The following CNKSR2 variants were observed in gnomAD, a reference collection of about 807,000 sequenced individuals.
The protein encoded by CNKSR2 is connector enhancer of kinase suppressor of Ras 2.
In CNKSR2, 14 loss-of-function variants were observed where a neutral mutation model predicts 84.4. The observed-to-expected ratio is 0.17, with a 90% CI of 0.11 to 0.26. CNKSR2 has a LOEUF of 0.26. Ranked by LOEUF, CNKSR2 falls within the 10% of genes least tolerant of loss-of-function variation. CNKSR2 has a pLI of 1.00. For synonymous variants in CNKSR2, 275 were observed against 277.9 expected, an observed-to-expected ratio of 0.99 and a Z score of 0.10; for missense variants, 485 against 771.2, an observed-to-expected ratio of 0.63 and a Z score of 4.40.
At chrX:21,648,709 T>G (rs1361109365) in intron 20 of CNKSR2, 122 bp from the exon 21 acceptor site, 1 of 552,649 alleles carries the variant, frequency 1.8e-6, no homozygotes, top group East Asian at 3.9e-5. Flanking sequence ...TCAGATAGTT[T>G]TGATATTTTA....
intron 15 of CNKSR2, chrX:21,591,962 T>C (rs1272273695): frequency 8.9e-6 from 1 of 112,070 alleles, no homozygotes; most frequent in African/African-American, 3.2e-5. Context: ...AAAATGTACA[T>C]GGCTTAATGT....
chrX:21,614,873 C>A (rs2092569360), intron 20 of CNKSR2, among the ~76,000 whole-genome samples: 1 of 111,549 alleles, frequency 9.0e-6, no homozygotes, highest in East Asian at 2.8e-4. Context: ...CTCCAAGCAT[C>A]ATTTCTCATG....
chrX:21,557,175 T>C (rs2092147306), intron 11 of CNKSR2, among the ~76,000 whole-genome samples: 1 of 110,988 alleles, frequency 9.0e-6, no homozygotes, highest in Middle Eastern at 4.7e-3. Flanking sequence ...TTATCTGAGG[T>C]AAAAATTAGT....
At chrX:21,625,472 A>C (rs191941002) in intron 20 of CNKSR2, among the ~76,000 whole-genome samples, 4 of 111,852 alleles carry the variant, frequency 3.6e-5, no homozygotes, top group African/African-American at 1.3e-4. Flanking sequence ...TAGTTCCATC[A>C]ATCTGCTTCT....
At chrX:21,546,149 C>T (rs1199032987) in intron 11 of CNKSR2, among the ~76,000 whole-genome samples, 1 of 109,655 alleles carries the variant, frequency 9.1e-6, no homozygotes, top group Non-Finnish European at 1.9e-5. Flanking sequence ...TGTTCTAACC[C>T]AATGCAAGGA....
intron 4 of CNKSR2, among the ~76,000 whole-genome samples, chrX:21,459,391 T>G (rs1453464173): frequency 8.9e-6 from 1 of 111,958 alleles, no homozygotes; most frequent in Non-Finnish European, 1.9e-5. Context: ...TTTGTTATAC[T>G]GTTTTAAGAA....
At chrX:21,410,592 G>A (rs761263559) in intron 1 of CNKSR2, among the ~76,000 whole-genome samples, 2 of 111,347 alleles carry the variant, frequency 1.8e-5, no homozygotes, top group South Asian at 7.3e-4. Flanking sequence ...TACGAATGTA[G>A]GATTCTTTTT....
chrX:21,387,214 T>C (rs946115163), intron 1 of CNKSR2, among the ~76,000 whole-genome samples: 1 of 112,092 alleles, frequency 8.9e-6, no homozygotes, highest in Middle Eastern at 4.2e-3. Flanking sequence ...GGATGTGGTG[T>C]CTCATGCCTG....
chrX:21,397,044 T>C (rs906576727), intron 1 of CNKSR2, among the ~76,000 whole-genome samples: 58 of 111,622 alleles, frequency 5.2e-4, no homozygotes, highest in African/African-American at 1.8e-3. Flanking sequence ...TGTAAGATTC[T>C]GAAATGCCAA....
intron 4 of CNKSR2, among the ~76,000 whole-genome samples, chrX:21,467,611 C>T (rs1391073855): frequency 9.0e-6 from 1 of 111,533 alleles, no homozygotes; most frequent in African/African-American, 3.3e-5. Flanking sequence ...GTGCTACAAC[C>T]TTACCAAAAA....
In CNKSR2 at chrX:21,561,505, T is replaced by C. The variant is rs771775135; in HGVS notation, c.1338T>C (p.Tyr446=). The C allele has an allele frequency of 2.5e-6, 3 of 1,207,246 alleles. No homozygotes were observed. Reference sequence around the variant, plus strand: ...GACCTATATCTATGCCAGTGGAATATAATTGGGTGGGGGACTATGAAGATC... The same window carrying C: ...GACCTATATCTATGCCAGTGGAATACAATTGGGTGGGGGACTATGAAGATC... ...KLRPISMPVE[Y]NWVGDYEDPN... is the part of the protein sequence containing the mutation. Residue 446 remains tyrosine, a synonymous_variant, in exon 12 of 22, where the codon TAT becomes TAC. Transcript: ENST00000379510.
intron 21 of CNKSR2, among the ~76,000 whole-genome samples, chrX:21,651,940 C>G (rs1174972368): frequency 8.9e-6 from 1 of 112,291 alleles, no homozygotes; most frequent in Non-Finnish European, 1.9e-5. Context: ...GACAAATGTA[C>G]TCAGTGGCAC....
intron 18 of CNKSR2, chrX:21,606,554 T>C (rs2092518157): frequency 3.2e-6 from 1 of 311,776 alleles, no homozygotes. Flanking sequence ...TGCATGTAAC[T>C]GCTTGCTTTA....
chrX:21,450,348 G>T (rs1341010222), intron 4 of CNKSR2, among the ~76,000 whole-genome samples: 1 of 111,442 alleles, frequency 9.0e-6, no homozygotes, highest in Admixed American at 9.6e-5. Context: ...TATTTATTAG[G>T]ATTTTTATAT....
chrX:21,579,947 C>G (rs1325123155), intron 13 of CNKSR2, among the ~76,000 whole-genome samples: 1 of 111,839 alleles, frequency 8.9e-6, no homozygotes, highest in Non-Finnish European at 1.9e-5. Flanking sequence ...TGCCTCCTTT[C>G]TTTTACTCAG....
At chrX:21,602,980 G>A (rs1228758109) in intron 18 of CNKSR2, among the ~76,000 whole-genome samples, 1 of 111,862 alleles carries the variant, frequency 8.9e-6, no homozygotes, top group Non-Finnish European at 1.9e-5. Context: ...GCATTACTAC[G>A]AACCTGAGCT....
chrX:21,423,399 G>A (rs993269503), intron 1 of CNKSR2: 9 of 111,245 alleles, frequency 8.1e-5, no homozygotes, highest in African/African-American at 2.9e-4. Context: ...ATAATAGAAG[G>A]TATTACTATT....
intron 20 of CNKSR2, among the ~76,000 whole-genome samples, chrX:21,613,673 G>T (rs1349175396): frequency 1.8e-5 from 2 of 112,598 alleles, no homozygotes; most frequent in Non-Finnish European, 3.8e-5. Flanking sequence ...GAGTTTTGTG[G>T]CTCACGCCTG....
intron 1 of CNKSR2, among the ~76,000 whole-genome samples, chrX:21,407,763 G>A (rs1385110668): frequency 3.6e-5 from 4 of 111,543 alleles, no homozygotes; most frequent in South Asian, 3.7e-4. Flanking sequence ...TGTATAAAAC[G>A]TAACAGGAAC....
Sources: gnomAD v4.1 joint callset for allele counts (sites outside exome capture counted in the v4.1 genomes callset) on GRCh38, gnomAD v4.1.1 for gene constraint, MANE v1.5 for transcripts, NCBI Gene and HGNC (gene_info 2026-07-23, HGNC 2026-07-21) for gene names.